The following DCTN6 variants were observed in gnomAD, a reference collection of about 807,000 sequenced individuals.
DCTN6 encodes the protein dynactin 6.
A neutral mutation model predicts 25.8 loss-of-function variants in DCTN6; 15 were observed. The ratio of observed to expected loss-of-function variants is 0.58; its 90% CI spans 0.39 to 0.89. The LOEUF (loss-of-function observed/expected upper bound fraction) is 0.89. DCTN6 is among the 40% of genes least tolerant of loss of function. The probability of loss-of-function intolerance (pLI) is 0.00; values close to 1 mark genes in which losing one functional copy is unlikely to be tolerated. For missense variants in DCTN6, 198 were observed against 237.6 expected, an observed-to-expected ratio of 0.83 and a Z score of 1.09; for synonymous variants, 64 against 78.3, an observed-to-expected ratio of 0.82 and a Z score of 0.96.
At chr8:30,166,825 G>A (rs55868629) in intron 2 of DCTN6, among the ~76,000 whole-genome samples, 8,515 of 152,146 alleles carry the variant, frequency 0.056, 368 homozygotes, top group African/African-American at 0.13. Context: ...GCTGGATGCC[G>A]TGGCTCATGG....
At chr8:30,167,722 A>G (rs1803702536) in intron 2 of DCTN6, among the ~76,000 whole-genome samples, 2 of 149,138 alleles carry the variant, frequency 1.3e-5, no homozygotes, top group African/African-American at 5.0e-5. Flanking sequence ...TTTTTGAGAC[A>G]GAGTCTCGCT....
intron 1 of DCTN6, among the ~76,000 whole-genome samples, chr8:30,159,480 A>C (rs1387210499): frequency 6.6e-6 from 1 of 152,138 alleles, no homozygotes; most frequent in Non-Finnish European, 1.5e-5. Flanking sequence ...ATGGAGAGAC[A>C]TGTTAATGAA....
At chr8:30,180,768 G>A (rs374028865) in intron 6 of DCTN6, 138 bp downstream of exon 6, 53 of 1,112,466 alleles carry the variant, frequency 4.8e-5, no homozygotes, top group Middle Eastern at 3.0e-4. Flanking sequence ...TCAGTGACTC[G>A]TGCCTGGAAT....
chr8:30,161,192 C>A (rs983806143), intron 1 of DCTN6, among the ~76,000 whole-genome samples: 1 of 152,158 alleles, frequency 6.6e-6, no homozygotes, highest in South Asian at 2.1e-4. Flanking sequence ...GTCCTGCTGC[C>A]TTGTGAAGAA....
chr8:30,165,480 CA>C (rs900747336), intron 2 of DCTN6, among the ~76,000 whole-genome samples: 12 of 142,802 alleles, frequency 8.4e-5, no homozygotes, highest in South Asian at 2.2e-4. Flanking sequence ...TTTTTTTTTC[CA>C]AAAAAAAATC....
intron 5 of DCTN6, 111 bp from the exon 6 acceptor site, chr8:30,180,377 A>G: frequency 4.3e-6 from 6 of 1,384,084 alleles, no homozygotes; most frequent in Non-Finnish European, 5.8e-6. Context: ...ATTTTCTTTA[A>G]CTTTTTTCTT....
chr8:30,180,500 GA>G lies in DCTN6; in HGVS notation c.347del (p.Asn116MetfsTer2). ...NVIESKAYVG[R>X]NVILTSGCII... Reference sequence around the variant, plus strand: ...GTTTTTATTGCAGCATATGTAGGCAGAAATGTAATATTGACAAGTGGCTGCA... The same window carrying G: ...GTTTTTATTGCAGCATATGTAGGCAGAATGTAATATTGACAAGTGGCTGCA... On this transcript the variant is annotated frameshift_variant, in exon 6 of 7. Transcript: ENST00000221114. LOFTEE classifies it high-confidence loss of function. The G allele has an allele frequency of 6.2e-7, 1 of 1,613,190 alleles. No homozygotes were observed. The highest frequency in any genetic ancestry group is 8.5e-7 in the Non-Finnish European group (1 of 1,179,634).
At chr8:30,156,857 T>C (rs541581797) in intron 1 of DCTN6, among the ~76,000 whole-genome samples, 1 of 152,296 alleles carries the variant, frequency 6.6e-6, no homozygotes, top group Admixed American at 6.5e-5. Flanking sequence ...CCCCAGGCCC[T>C]TCCTGTCTCT....
intron 6 of DCTN6, among the ~76,000 whole-genome samples, chr8:30,181,614 C>A (rs1161815197): frequency 2.0e-5 from 3 of 152,070 alleles, no homozygotes; most frequent in African/African-American, 7.2e-5. Context: ...CTTTTCCTCC[C>A]ACTAAAGAAA....
chr8:30,180,621 G>GCGAC lies in DCTN6; in HGVS notation c.468_471dup (p.Gln158ThrfsTer48), dbSNP rs1312205008. 6.2e-7 allele frequency: 1 copy of GCGAC among 1,613,952 alleles called. No individual in the cohort carries two copies. Among genetic ancestry groups the GCGAC allele is most frequent in the African/African-American group, 1.3e-5 (1 of 74,916 alleles). ...ACTGCCTTCGTCGGGTGCAGACTGA[G>GCGAC]CGACCGCAGGTACTAGAACCTCTCT... On this transcript the variant is annotated frameshift_variant, in exon 6 of 7. Coordinates refer to ENST00000221114, the MANE Select transcript of DCTN6 (RefSeq NM_006571.4). LOFTEE classifies it high-confidence loss of function.
At chr8:30,156,987 T>G (rs1803535679) in intron 1 of DCTN6, among the ~76,000 whole-genome samples, 1 of 152,206 alleles carries the variant, frequency 6.6e-6, no homozygotes, top group Non-Finnish European at 1.5e-5. Context: ...TGCGCAGATT[T>G]GTTGCATAGA....
At chr8:30,159,109 C>T (rs547617091) in intron 1 of DCTN6, among the ~76,000 whole-genome samples, 3 of 152,084 alleles carry the variant, frequency 2.0e-5, no homozygotes, top group Non-Finnish European at 4.4e-5. Context: ...GGCTGTATCA[C>T]CCAGAAGGAC....
intron 2 of DCTN6, among the ~76,000 whole-genome samples, chr8:30,169,217 T>C (rs913504121): frequency 4.6e-5 from 7 of 152,216 alleles, no homozygotes; most frequent in Admixed American, 2.6e-4. Flanking sequence ...CTTGAGAAAT[T>C]ATCACCTATA....
intron 2 of DCTN6, among the ~76,000 whole-genome samples, chr8:30,171,484 G>C (rs1367932245): frequency 6.6e-6 from 1 of 151,996 alleles, no homozygotes; most frequent in Non-Finnish European, 1.5e-5. Context: ...TCTGGAACTC[G>C]TGGCCTTAAG....
chr8:30,167,324 TG>T (rs1803692102), intron 2 of DCTN6, among the ~76,000 whole-genome samples: 1 of 152,074 alleles, frequency 6.6e-6, no homozygotes, highest in South Asian at 2.1e-4. Context: ...GGAAGTGCAT[TG>T]TTTAAATCTA....
At chr8:30,178,696 T>C (rs1803876507) in intron 4 of DCTN6, among the ~76,000 whole-genome samples, 2 of 152,180 alleles carry the variant, frequency 1.3e-5, no homozygotes, top group African/African-American at 4.8e-5. Flanking sequence ...TCTTGCTCTG[T>C]CACCCAGGCT....
chr8:30,180,673 T>C (rs776054317), intron 6 of DCTN6, 43 bp downstream of exon 6: 4 of 1,604,218 alleles, frequency 2.5e-6, no homozygotes, highest in Non-Finnish European at 3.4e-6. Context: ...CTGCTGATTT[T>C]CCCAAAATAC....
intron 2 of DCTN6, among the ~76,000 whole-genome samples, chr8:30,170,173 C>CA (rs1265818844): frequency 0.027 from 3,152 of 116,376 alleles, 91 homozygotes; most frequent in African/African-American, 0.087. Context: ...ACTCTGTATC[C>CA]AAAAAAAAAA....
At chr8:30,172,573 C>T (rs2117589949) in intron 2 of DCTN6, among the ~76,000 whole-genome samples, 1 of 152,128 alleles carries the variant, frequency 6.6e-6, no homozygotes, top group South Asian at 2.1e-4. Flanking sequence ...ACCTCAGCCT[C>T]CTGAGTAGCT....
Sources: gnomAD v4.1 joint callset for allele counts (sites outside exome capture counted in the v4.1 genomes callset) on GRCh38, gnomAD v4.1.1 for gene constraint, MANE v1.5 for transcripts, NCBI Gene and HGNC (gene_info 2026-07-23, HGNC 2026-07-21) for gene names.